NPAS3: variants seen among roughly 807,000 people sequenced by gnomAD.
NPAS3 encodes neuronal PAS domain-containing protein 3.
A neutral mutation model predicts 73.1 loss-of-function variants in NPAS3; 14 were observed. The ratio of observed to expected loss-of-function variants is 0.19; its 90% confidence interval spans 0.13 to 0.30. The LOEUF (loss-of-function observed/expected upper bound fraction) is 0.30, where lower values mean the gene tolerates loss of function less well. Among genes scored for constraint, NPAS3 ranks in the 10% least tolerant of loss-of-function variants. The probability of loss-of-function intolerance (pLI) is 1.00; values close to 1 mark genes in which losing one functional copy is unlikely to be tolerated. For synonymous variants in NPAS3, 620 were observed against 541.5 expected, an observed-to-expected ratio of 1.14 and a Z score of -2.01; for missense variants, 1,096 against 1,250.0, an observed-to-expected ratio of 0.88 and a Z score of 1.86.
At chr14:33,453,422 A>G (rs917166509) in intron 4 of NPAS3, among the ~76,000 whole-genome samples, 11 of 152,162 alleles carry the variant, frequency 7.2e-5, no homozygotes, top group Non-Finnish European at 1.3e-4. Context: ...CTTGTCCTCT[A>G]GTTTATAAAG....
chr14:33,585,420 G>A (rs558581282), intron 5 of NPAS3, among the ~76,000 whole-genome samples: 44 of 152,220 alleles, frequency 2.9e-4, no homozygotes, highest in African/African-American at 1.1e-3. Context: ...CCTTGACCAT[G>A]GACTTCTCCA....
intron 4 of NPAS3, among the ~76,000 whole-genome samples, chr14:33,426,990 A>G (rs2048579886): frequency 6.6e-6 from 1 of 151,922 alleles, no homozygotes; most frequent in African/African-American, 2.4e-5. Flanking sequence ...TTCTTTACTG[A>G]TGGATAACAC....
intron 3 of NPAS3, among the ~76,000 whole-genome samples, chr14:33,350,826 A>G (rs1007499535): frequency 3.3e-5 from 5 of 152,256 alleles, no homozygotes; most frequent in Non-Finnish European, 5.9e-5. Context: ...CATTAGAGAC[A>G]GGTCCAGAAC....
chr14:33,443,875 C>G (rs1387901638), intron 4 of NPAS3, among the ~76,000 whole-genome samples: 1 of 152,134 alleles, frequency 6.6e-6, no homozygotes. Flanking sequence ...GAAACTGTGT[C>G]AAGGGTGACT....
At chr14:33,010,952 A>AG (rs1454702149) in intron 1 of NPAS3, among the ~76,000 whole-genome samples, 3 of 94,090 alleles carry the variant, frequency 3.2e-5, no homozygotes, top group Non-Finnish European at 8.8e-5. Context: ...AAAAAAAAAA[A>AG]AAAGAAAAGA....
Position 33,778,615 on chromosome 14 carries a change from G to A in NPAS3, c.1153+43G>A, listed in dbSNP as rs372045515. On this transcript the variant is annotated intron_variant, in intron 9 of 11. Coordinates refer to ENST00000356141, the Ensembl canonical transcript of NPAS3. ...GGGGGAATAACCCCGGCTGGTGTCA[G>A]CAATCTCTGAGGCTTGTTTGGTTTC... 7.5e-6 allele frequency: 10 copies of A among 1,329,300 alleles called. No homozygotes were observed. The African/African-American group carries it at 1.4e-4, about 19-fold the overall frequency. 82.3% of individuals were successfully genotyped at this position (1,329,300 alleles called of 1,614,324 possible). A position where few individuals can be genotyped will look rare whatever the true frequency, so the allele number is the denominator to read the frequency against.
chr14:32,994,354 A>G (rs1029821694), intron 1 of NPAS3, among the ~76,000 whole-genome samples: 1 of 152,166 alleles, frequency 6.6e-6, no homozygotes, highest in Non-Finnish European at 1.5e-5. Flanking sequence ...AACAAAAATT[A>G]TGACAAGTGA....
chr14:33,313,474 A>G (rs2043086889), intron 3 of NPAS3, among the ~76,000 whole-genome samples: 1 of 152,068 alleles, frequency 6.6e-6, no homozygotes, highest in South Asian at 2.1e-4. Context: ...GGAATTTGTA[A>G]ATGAAATGTC....
chr14:33,009,144 T>C (rs1487719050), intron 1 of NPAS3, among the ~76,000 whole-genome samples: 1 of 152,216 alleles, frequency 6.6e-6, no homozygotes, highest in Admixed American at 6.5e-5. Flanking sequence ...GAGGGCCGAC[T>C]ATGGGCTCCT....
At chr14:33,707,213 G>A (rs995673606) in intron 6 of NPAS3, among the ~76,000 whole-genome samples, 1 of 152,184 alleles carries the variant, frequency 6.6e-6, no homozygotes, top group Non-Finnish European at 1.5e-5. Flanking sequence ...GACAGTATGT[G>A]CTGTTGAGCT....
chr14:33,167,859 T>C (rs17463412), intron 2 of NPAS3, among the ~76,000 whole-genome samples: 3,477 of 152,298 alleles, frequency 0.023, 55 homozygotes, highest in Middle Eastern at 0.088. Flanking sequence ...ATGTAAGGAA[T>C]GACATACTTT....
Position 33,756,503 on chromosome 14 carries a change from G to A in NPAS3, c.853-17834G>A, listed in dbSNP as rs76665380. 0.016 allele frequency among the ~76,000 whole-genome samples: 2,422 copies of A among 152,256 alleles called. 193 individuals are homozygous for A. The East Asian group carries it at 0.26, about 16-fold the overall frequency. The stretch of plus-strand genomic sequence containing the variant: ...TTGGGAGTGGCAAGAGATGCAAGGC[G>A]GTCTGTGAAAGAGAGCACTGAGCTT... On this transcript the variant is annotated intron_variant, in intron 7 of 11. Coordinates refer to ENST00000356141, the Ensembl canonical transcript of NPAS3.
At chr14:33,764,486 A>G (rs2140846358) in intron 7 of NPAS3, among the ~76,000 whole-genome samples, 1 of 152,382 alleles carries the variant, frequency 6.6e-6, no homozygotes, top group Non-Finnish European at 1.5e-5. Flanking sequence ...GGGGTTCTAA[A>G]GAAAATGCAT....
At chr14:33,304,389 T>C (rs567911854) in intron 3 of NPAS3, among the ~76,000 whole-genome samples, 31 of 152,256 alleles carry the variant, frequency 2.0e-4, no homozygotes, top group African/African-American at 7.2e-4. Flanking sequence ...ATGTTACTCA[T>C]AGAAAGTTGG....
chr14:33,759,385 GTCT>G (rs901212060), intron 7 of NPAS3, among the ~76,000 whole-genome samples: 21 of 152,200 alleles, frequency 1.4e-4, no homozygotes, highest in African/African-American at 5.1e-4. Context: ...TCAGTATATT[GTCT>G]TCTTTTCTCC....
chr14:33,145,035 A>G (rs2044187802), intron 2 of NPAS3, among the ~76,000 whole-genome samples: 1 of 152,236 alleles, frequency 6.6e-6, no homozygotes, highest in Non-Finnish European at 1.5e-5. Flanking sequence ...TAGTTAAATC[A>G]TTGAAAATTT....
At chr14:32,965,797 T>C (rs2037127967) in intron 1 of NPAS3, among the ~76,000 whole-genome samples, 1 of 152,182 alleles carries the variant, frequency 6.6e-6, no homozygotes, top group African/African-American at 2.4e-5. Flanking sequence ...CATGATCTTG[T>C]ATATAGAAAA....
At chr14:33,259,124 G>A (rs1011195728) in intron 3 of NPAS3, among the ~76,000 whole-genome samples, 24 of 152,140 alleles carry the variant, frequency 1.6e-4, no homozygotes, top group African/African-American at 5.3e-4. Context: ...AATAGCTGTA[G>A]CTCTTTATAC....
chr14:33,394,709 CA>C (rs1252260147), intron 4 of NPAS3, among the ~76,000 whole-genome samples: 1 of 152,118 alleles, frequency 6.6e-6, no homozygotes, highest in Non-Finnish European at 1.5e-5. Context: ...AGAAATATAA[CA>C]ATTAGATTTT....
Sources: allele counts gnomAD v4.1 joint callset (sites outside exome capture counted in the v4.1 genomes callset), GRCh38; gene constraint gnomAD v4.1.1; transcripts MANE v1.5; gene names NCBI Gene and HGNC (gene_info 2026-07-23, HGNC 2026-07-21).